Variants in GPR37L1 observed in about 807,000 individuals in gnomAD.
GPR37L1 encodes G protein-coupled receptor 37 like 1.
GPR37L1 carries 18 observed loss-of-function variants against 18.0 expected under a neutral mutation model. The observed-to-expected ratio is 1.00, with a 90% confidence interval of 0.69 to 1.49. GPR37L1 has a LOEUF of 1.49. GPR37L1 is among the 40% of genes most tolerant of loss of function. The pLI, the probability that GPR37L1 is intolerant of heterozygous loss-of-function variation, is 0.00. For synonymous variants in GPR37L1, 256 were observed against 273.9 expected, an observed-to-expected ratio of 0.93 and a Z score of 0.65; for missense variants, 558 against 615.1, an observed-to-expected ratio of 0.91 and a Z score of 0.98.
In GPR37L1 at chr1:202,128,188, A is replaced by G. The variant is rs1265711648; in HGVS notation, c.1078A>G (p.Thr360Ala). The part of the protein sequence containing the change: ...HEQCESQLNS[T>A]VVGLTVVYAF... ...GCAGTGTGAGAGCCAGCTCAACAGC[A>G]CCGTGGTGGGCCTGACCGTGGTCTA... Residue 360 changes from threonine to alanine, a missense_variant, in exon 2 of 2, where the codon ACC becomes GCC. By Grantham distance (58) the Thr-to-Ala change is moderately conservative. Coordinates refer to ENST00000367282, the MANE Select transcript of GPR37L1 (RefSeq NM_004767.5). 6.2e-7 allele frequency: 1 copy of G among 1,613,960 alleles called. No individual in the cohort carries two copies. Among genetic ancestry groups the G allele is most frequent in the Non-Finnish European group, 8.5e-7 (1 of 1,180,008 alleles).
At position 202,123,640 on chromosome 1, in the gene GPR37L1, G is replaced by A. The variant is rs530530974; in HGVS notation, c.630+47G>A. On this transcript the variant is annotated intron_variant, in intron 1 of 1. Transcript: ENST00000367282. Reference sequence around the variant, plus strand: ...GCTCTGCTGGGAGGCTGCAATCCAGGGAAGGGACTCAAAGTCTCCATCAGG... The same window carrying A: ...GCTCTGCTGGGAGGCTGCAATCCAGAGAAGGGACTCAAAGTCTCCATCAGG... 446 of 1,503,290 alleles carry A rather than the reference G, an allele frequency of 3.0e-4. 1 individual carries two copies. The highest frequency in any genetic ancestry group is 3.8e-4 in the Non-Finnish European group (429 of 1,122,470). The allele number at this position is 1,503,290 out of a possible 1,614,324, so 93.1% of individuals were successfully genotyped here. A position where few individuals can be genotyped will look rare whatever the true frequency, so the allele number is the denominator to read the frequency against.
Position 202,123,582 on chromosome 1 carries a change from C to A in GPR37L1, c.619C>A (p.Pro207Thr). ...LLGDVSCRAV[P>T]FMEVSSLGVT... is the part of the protein sequence containing the mutation. ...GGGTGACGTTTCTTGTCGTGCCGTG[C>A]CCTTCATGGAGGTGAGTGTGTGTTC... The change falls in exon 1 of 2, where the codon CCC (proline) becomes ACC (threonine). Residue 207 changes from proline to threonine, a missense_variant. Coordinates refer to ENST00000367282, the MANE Select transcript of GPR37L1 (RefSeq NM_004767.5). The A allele has an allele frequency of 6.3e-7, 1 of 1,584,536 alleles. No homozygotes were observed. The highest frequency in any genetic ancestry group is 8.6e-7 in the Non-Finnish European group (1 of 1,165,762).
Position 202,132,783 on chromosome 1 carries a change from G to C in GPR37L1, c.*4227G>C, listed in dbSNP as rs1472039059. On this transcript the variant is annotated 3_prime_UTR_variant, in exon 2 of 2. Transcript: ENST00000367282. ...CCGAGGGAGGACCAGCTCTGACGGT[G>C]AGGTCGGGTGGGGGACTAGAATCCA... The C allele has an allele frequency of 2.0e-5, 3 of 152,584 alleles. No homozygotes were observed. Among genetic ancestry groups the C allele is most frequent in the Admixed American group, 1.3e-4 (2 of 15,278 alleles). 9.5% of individuals were successfully genotyped at this position (152,584 alleles called of 1,614,324 possible).
intron 1 of GPR37L1, among the ~76,000 whole-genome samples, chr1:202,126,712 G>C (rs1338113845): frequency 1.3e-5 from 2 of 152,142 alleles, no homozygotes; most frequent in Non-Finnish European, 2.9e-5. Context: ...TGGCTCACAG[G>C]GTGGTTTTCC....
rs919608263 is a variant in GPR37L1 at position 202,129,272 on chromosome 1, G to T, written c.*716G>T. 6.6e-6 allele frequency: 1 copy of T among 152,656 alleles called. No individual in the cohort carries two copies. The highest frequency in any genetic ancestry group is 1.5e-5 in the Non-Finnish European group (1 of 68,456). The allele number at this position is 152,656 out of a possible 1,614,324, so 9.5% of individuals were successfully genotyped here. A position where few individuals can be genotyped will look rare whatever the true frequency, so the allele number is the denominator to read the frequency against. On this transcript the variant is annotated 3_prime_UTR_variant, in exon 2 of 2. Transcript: ENST00000367282. ...GATCTGCCTGCCTTGGCCTCCCAAAGTGCTGGGATTACAGGTGTGAGCTGC... is the reference window on the plus strand; with the variant it reads ...GATCTGCCTGCCTTGGCCTCCCAAATTGCTGGGATTACAGGTGTGAGCTGC...
intron 1 of GPR37L1, among the ~76,000 whole-genome samples, chr1:202,125,978 T>C (rs955987745): frequency 6.6e-5 from 10 of 152,298 alleles, no homozygotes; most frequent in African/African-American, 2.4e-4. Flanking sequence ...TGCCTTGGTC[T>C]CCCAAAGTAC....
intron 1 of GPR37L1, among the ~76,000 whole-genome samples, chr1:202,123,914 C>T (rs1654580735): frequency 6.6e-6 from 1 of 152,176 alleles, no homozygotes; most frequent in Non-Finnish European, 1.5e-5. Context: ...TGCCCTCTCC[C>T]TTCCTCAGCC....
chr1:202,126,644 C>G (rs1184475787), intron 1 of GPR37L1, among the ~76,000 whole-genome samples: 2 of 152,132 alleles, frequency 1.3e-5, no homozygotes, highest in Non-Finnish European at 2.9e-5. Flanking sequence ...CGGGAGGGTC[C>G]CCTCTTCCTT....
chr1:202,129,414 T>G lies in GPR37L1; in HGVS notation c.*858T>G, dbSNP rs1178514924. 2.0e-5 allele frequency: 3 copies of G among 152,724 alleles called. No homozygotes were observed. Among genetic ancestry groups the G allele is most frequent in the African/African-American group, 4.8e-5 (2 of 41,470 alleles). The allele number at this position is 152,724 out of a possible 1,614,324, so 9.5% of individuals were successfully genotyped here. ...TTTCTCTCTCCTTCCTCCTCCTTTC[T>G]TTGGGATCCCTGGGTTGCCCTGTCC... On this transcript the variant is annotated 3_prime_UTR_variant, in exon 2 of 2. Coordinates refer to ENST00000367282, the MANE Select transcript of GPR37L1 (RefSeq NM_004767.5).
intron 1 of GPR37L1, among the ~76,000 whole-genome samples, chr1:202,124,706 TACGGAC>T (rs1384310351): frequency 6.6e-6 from 1 of 152,182 alleles, no homozygotes; most frequent in African/African-American, 2.4e-5. Flanking sequence ...GGATCAGCAT[TACGGAC>T]ACAGGTCCTA....
At position 202,128,417 on chromosome 1, in the gene GPR37L1, G is replaced by C; in HGVS notation, c.1307G>C (p.Cys436Ser). 6.2e-7 allele frequency: 1 copy of C among 1,613,646 alleles called. No homozygotes were observed. Among genetic ancestry groups the C allele is most frequent in the South Asian group, 1.1e-5 (1 of 91,038 alleles). The change falls in exon 2 of 2, where the codon TGT becomes TCT. Residue 436 changes from cysteine to serine, a missense_variant. By Grantham distance (112) the Cys-to-Ser change is moderately radical (BLOSUM62 -1). Coordinates refer to ENST00000367282, the MANE Select transcript of GPR37L1 (RefSeq NM_004767.5). ...AFLDCCCCCC[C>S]EECGGASEAS... ...CTGGACTGCTGCTGCTGCTGCTGCT[G>C]TGAGGAGTGCGGCGGGGCTTCGGAG... is the stretch of plus-strand genomic sequence containing the variant.
chr1:202,133,523 AAAGG>A lies in GPR37L1; in HGVS notation c.*4971_*4974del, dbSNP rs1413245214. 6.6e-6 allele frequency: 1 copy of A among 152,264 alleles called. No individual in the cohort carries two copies. The highest frequency in any genetic ancestry group is 2.4e-5 in the African/African-American group (1 of 41,458). 9.4% of individuals were successfully genotyped at this position (152,264 alleles called of 1,614,324 possible). The stretch of plus-strand genomic sequence containing the variant: ...TTAAATATGAGCTGAAAAGTGTAAA[AAAGG>A]AAGAGGAACATCACTTTACAAATCA... On this transcript the variant is annotated 3_prime_UTR_variant, in exon 2 of 2. Coordinates refer to ENST00000367282, the MANE Select transcript of GPR37L1 (RefSeq NM_004767.5).
In GPR37L1 at chr1:202,122,967, C is replaced by T. The variant is rs749150035; in HGVS notation, c.4C>T (p.Arg2Trp). 65 of 1,612,444 alleles carry T rather than the reference C, an allele frequency of 4.0e-5. No homozygotes were observed. The highest frequency in any genetic ancestry group is 5.1e-5 in the Non-Finnish European group (60 of 1,179,980). M[R>W]WLWPLAVSLA... is the part of the protein sequence containing the mutation. ...GCTGTCTCCTGCTCATCCAGCCATG[C>T]GGTGGCTGTGGCCCCTGGCTGTCTC... Residue 2 changes from arginine (R) to tryptophan (W), a missense_variant, in exon 1 of 2, where the codon CGG (arginine) becomes TGG (tryptophan). Arg to Trp is a moderately radical substitution (Grantham distance 101). Transcript: ENST00000367282.
chr1:202,125,343 A>T (rs1480951000), intron 1 of GPR37L1, among the ~76,000 whole-genome samples: 6 of 152,044 alleles, frequency 3.9e-5, no homozygotes, highest in Admixed American at 2.6e-4. Context: ...TACTTTAACT[A>T]CCTAAATCTC....
Position 202,128,443 on chromosome 1 carries a change from G to C in GPR37L1, c.1333G>C (p.Ala445Pro). Residue 445 changes from alanine (A) to proline (P), a missense_variant, in exon 2 of 2, where the codon GCC becomes CCC. Ala to Pro is a conservative substitution (Grantham distance 27). Coordinates refer to ENST00000367282, the MANE Select transcript of GPR37L1 (RefSeq NM_004767.5). ...CCEECGGASE[A>P]SAANGSDNKL... ...TGAGGAGTGCGGCGGGGCTTCGGAG[G>C]CCTCTGCTGCCAATGGGTCGGACAA... The C allele has an allele frequency of 6.2e-7, 1 of 1,610,296 alleles. No homozygotes were observed. Among genetic ancestry groups the C allele is most frequent in the South Asian group, 1.1e-5 (1 of 90,694 alleles).
Position 202,123,608 on chromosome 1 carries a change from TG to T in GPR37L1, c.630+16del. On this transcript the variant is annotated intron_variant, in intron 1 of 1. Coordinates refer to ENST00000367282, the MANE Select transcript of GPR37L1 (RefSeq NM_004767.5). ...CCTTCATGGAGGTGAGTGTGTGTTC[TG>T]TTTGAGCTCTGCTGGGAGGCTGCAA... The T allele has an allele frequency of 1.9e-6, 3 of 1,556,306 alleles. No individual in the cohort carries two copies. Among genetic ancestry groups the T allele is most frequent in the Non-Finnish European group, 2.6e-6 (3 of 1,152,588 alleles).
intron 1 of GPR37L1, 81 bp from the exon 2 acceptor site, chr1:202,127,660 T>G: frequency 1.0e-6 from 1 of 994,664 alleles, no homozygotes; most frequent in Non-Finnish European, 1.5e-6. Context: ...ATGGTCTAAC[T>G]GAGCCAGAAG....
At position 202,127,779 on chromosome 1, in the gene GPR37L1, C is replaced by T. The variant is rs1194514664; in HGVS notation, c.669C>T (p.Ala223=). Residue 223 remains alanine (A), a synonymous_variant, in exon 2 of 2, where the codon GCC becomes GCT. Transcript: ENST00000367282. ...GAGTCACGACTTTCAGCCTCTGTGC[C>T]CTGGGCATTGACCGCTTCCACGTGG... ...SLGVTTFSLC[A]LGIDRFHVAT... is the part of the protein sequence containing the mutation. The T allele has an allele frequency of 6.2e-7, 1 of 1,600,602 alleles. No individual in the cohort carries two copies.
chr1:202,123,766 C>G (rs1226416032), intron 1 of GPR37L1, among the ~76,000 whole-genome samples, 173 bp downstream of exon 1: 1 of 152,174 alleles, frequency 6.6e-6, no homozygotes, highest in Non-Finnish European at 1.5e-5. Flanking sequence ...GTATTGGTTT[C>G]TGGTTGCTCT....
Sources: allele counts gnomAD v4.1 joint callset (sites outside exome capture counted in the v4.1 genomes callset), GRCh38; gene constraint gnomAD v4.1.1; transcripts MANE v1.5; gene names NCBI Gene and HGNC (gene_info 2026-07-23, HGNC 2026-07-21).